Variants in C1D observed in about 807,000 individuals in gnomAD.
C1D encodes the protein C1D nuclear receptor corepressor.
In C1D, 10 loss-of-function variants were observed where a neutral mutation model predicts 17.5. The observed-to-expected ratio is 0.57, with a 90% CI of 0.35 to 0.97. The LOEUF (loss-of-function observed/expected upper bound fraction) is 0.97, where lower values mean the gene tolerates loss of function less well. Ranked by LOEUF, C1D falls within the 50% of genes least tolerant of loss-of-function variation. The pLI, the probability that C1D is intolerant of heterozygous loss-of-function variation, is 0.01. For synonymous variants in C1D, 49 were observed against 54.0 expected (o/e 0.91, Z 0.40); for missense variants, 136 against 160.1 (o/e 0.85, Z 0.81).
In C1D at chr2:68,043,069, C is replaced by T. The variant is rs1165654676; in HGVS notation, c.262-16G>A. The T allele has an allele frequency of 6.4e-7, 1 of 1,564,858 alleles. No individual in the cohort carries two copies. Among genetic ancestry groups the T allele is most frequent in the Non-Finnish European group, 8.7e-7 (1 of 1,153,176 alleles). ...TGATTCTTTCCTTAAAGATAAAAAA[C>T]AAAGGCAATAGATTTACTAAGCTAT... On this transcript the variant is annotated splice_polypyrimidine_tract_variant and intron_variant, in intron 4 of 4. Transcript: ENST00000410067.
At chr2:68,053,146 G>A (rs1196563455) in intron 1 of C1D, 2 of 1,550,580 alleles carry the variant, frequency 1.3e-6, no homozygotes, top group Non-Finnish European at 1.7e-6. Flanking sequence ...GGCTGCAGAG[G>A]TAGAGACAGA....
At position 68,056,594 on chromosome 2, in the gene C1D, C is replaced by T. The variant is rs180740537; in HGVS notation, c.-10+6364G>A. 1.5e-3 allele frequency among the ~76,000 whole-genome samples: 235 copies of T among 152,024 alleles called. 1 individual carries two copies. Among genetic ancestry groups the T allele is most frequent in the African/African-American group, 5.4e-3 (222 of 41,466 alleles). On this transcript the variant is annotated intron_variant, in intron 1 of 4. Transcript: ENST00000410067. ...TTAACAATAACAAAAAAAGTACACA[C>T]AACCCAAAAGAAAAATAAACAAGAA...
chr2:68,054,902 G>A (rs987962769), intron 1 of C1D, among the ~76,000 whole-genome samples: 1 of 151,548 alleles, frequency 6.6e-6, no homozygotes, highest in African/African-American at 2.4e-5. Context: ...GGAGTTCGAG[G>A]CTGCAGTAAG....
rs1280270825 is a variant in C1D, at chr2:68,041,669, AT to A, written c.*1219del. On this transcript the variant is annotated 3_prime_UTR_variant, in exon 5 of 5. Transcript: ENST00000410067. ...ACAAAATCCATTACATTTTAAGACCATTTCCAATATCTGCTATCATAAATCA... is the reference window on the plus strand; with the variant it reads ...ACAAAATCCATTACATTTTAAGACCATTCCAATATCTGCTATCATAAATCA... The A allele has an allele frequency of 6.6e-6, 1 of 152,062 alleles. No individual in the cohort carries two copies. Among genetic ancestry groups the A allele is most frequent in the Non-Finnish European group, 1.5e-5 (1 of 67,898 alleles). 9.4% of individuals were successfully genotyped at this position (152,062 alleles called of 1,614,324 possible). A position where few individuals can be genotyped will look rare whatever the true frequency, so the allele number is the denominator to read the frequency against.
chr2:68,047,873 T>C (rs1438576003), intron 1 of C1D, among the ~76,000 whole-genome samples: 1 of 152,230 alleles, frequency 6.6e-6, no homozygotes, highest in African/African-American at 2.4e-5. Context: ...CCCTAATGAT[T>C]GCTGAAGAAA....
chr2:68,056,125 T>C (rs1031924298), intron 1 of C1D, among the ~76,000 whole-genome samples: 20 of 152,190 alleles, frequency 1.3e-4, no homozygotes. Flanking sequence ...TTCAAGAGTA[T>C]CACAAAAATC....
chr2:68,056,886 C>T (rs956819636), intron 1 of C1D, among the ~76,000 whole-genome samples: 1 of 152,134 alleles, frequency 6.6e-6, no homozygotes, highest in Non-Finnish European at 1.5e-5. Flanking sequence ...TGTACACATG[C>T]TTTGACCTAG....
At chr2:68,056,501 T>C (rs1671441292) in intron 1 of C1D, among the ~76,000 whole-genome samples, 1 of 152,064 alleles carries the variant, frequency 6.6e-6, no homozygotes, top group Admixed American at 6.6e-5. Context: ...CCAAGACTAA[T>C]GTCAAATAAA....
At position 68,042,058 on chromosome 2, in the gene C1D, C is replaced by A. The variant is rs540929937; in HGVS notation, c.*831G>T. ...CTCAAAAACATGAAATAAAAAAAAT[C>A]TGAAAAAAAATGAGATGAAAAGAAC... On this transcript the variant is annotated 3_prime_UTR_variant, in exon 5 of 5. Coordinates refer to ENST00000410067, the MANE Select transcript of C1D (RefSeq NM_173177.3). The A allele has an allele frequency of 8.6e-5, 13 of 151,826 alleles. No homozygotes were observed. The highest frequency in any genetic ancestry group is 2.9e-4 in the African/African-American group (12 of 41,442). 9.4% of individuals were successfully genotyped at this position (151,826 alleles called of 1,614,324 possible). A position where few individuals can be genotyped will look rare whatever the true frequency, so the allele number is the denominator to read the frequency against.
At position 68,049,768 on chromosome 2, in the gene C1D, A is replaced by G. The variant is rs533241856; in HGVS notation, c.-9-2449T>C. Reference sequence around the variant, plus strand: ...TGTAAACGTATAAACATATTAGATTATATCAAATATTTACATCATCTAAAT... The same window carrying G: ...TGTAAACGTATAAACATATTAGATTGTATCAAATATTTACATCATCTAAAT... On this transcript the variant is annotated intron_variant, in intron 1 of 4. Coordinates refer to ENST00000410067, the MANE Select transcript of C1D (RefSeq NM_173177.3). Among the ~76,000 whole-genome samples, 63 of 152,370 alleles carry G rather than the reference A, an allele frequency of 4.1e-4. 1 individual carries two copies. In the South Asian group the frequency reaches 9.5e-3, roughly 23 times the overall value.
rs1363461968 is a variant in C1D, at chr2:68,043,062, T to TA, written c.262-10dup. 1.9e-6 allele frequency: 3 copies of TA among 1,574,222 alleles called. No individual in the cohort carries two copies. The highest frequency in any genetic ancestry group is 1.2e-5 in the South Asian group (1 of 85,264). On this transcript the variant is annotated splice_polypyrimidine_tract_variant and intron_variant, in intron 4 of 4. Coordinates refer to ENST00000410067, the MANE Select transcript of C1D (RefSeq NM_173177.3). Reference sequence around the variant, plus strand: ...TATACTCTGATTCTTTCCTTAAAGATAAAAAACAAAGGCAATAGATTTACT... The same window carrying TA: ...TATACTCTGATTCTTTCCTTAAAGATAAAAAAACAAAGGCAATAGATTTACT...
intron 1 of C1D, among the ~76,000 whole-genome samples, chr2:68,055,954 C>T (rs1469838318): frequency 6.6e-6 from 1 of 152,158 alleles, no homozygotes; most frequent in Non-Finnish European, 1.5e-5. Context: ...TAAGCAGCTC[C>T]ATTACATCTC....
intron 1 of C1D, among the ~76,000 whole-genome samples, chr2:68,049,250 C>T (rs999389428): frequency 6.7e-6 from 1 of 150,066 alleles, no homozygotes; most frequent in Non-Finnish European, 1.5e-5. Context: ...GAAACAAAGC[C>T]AAGAAACCTT....
At chr2:68,053,389 T>C in intron 1 of C1D, 1 of 608,518 alleles carries the variant, frequency 1.6e-6, no homozygotes, top group Non-Finnish European at 2.6e-6. Context: ...AATTCTCCAC[T>C]TCAGGGTGGC....
At chr2:68,060,038 A>T (rs964136095) in intron 1 of C1D, among the ~76,000 whole-genome samples, 8 of 152,150 alleles carry the variant, frequency 5.3e-5, no homozygotes, top group Non-Finnish European at 1.0e-4. Flanking sequence ...TCTTCCCACA[A>T]ACCTGCCCCT....
rs13401616 is a variant in C1D at position 68,046,063 on chromosome 2, T to C, written c.206-20A>G. ...AATAAACTACAAGAGAAAAATTTCA[T>C]GGAATAAAATGGTGAATGTATTAAT... On this transcript the variant is annotated intron_variant, in intron 3 of 4. Transcript: ENST00000410067. 4.7e-6 allele frequency: 7 copies of C among 1,495,602 alleles called. No individual in the cohort carries two copies. The highest frequency in any genetic ancestry group is 1.2e-5 in the South Asian group (1 of 82,222). 92.6% of individuals were successfully genotyped at this position (1,495,602 alleles called of 1,614,324 possible).
At chr2:68,043,712 C>G (rs1219918379) in intron 4 of C1D, among the ~76,000 whole-genome samples, 1 of 152,138 alleles carries the variant, frequency 6.6e-6, no homozygotes, top group African/African-American at 2.4e-5. Context: ...CTATCTTACG[C>G]TTCAAATGAA....
chr2:68,047,425 G>T (rs1033230033), intron 1 of C1D, 106 bp from the exon 2 acceptor site: 12 of 761,460 alleles, frequency 1.6e-5, no homozygotes, highest in Non-Finnish European at 2.4e-5. Context: ...AAGGCACTAA[G>T]AGTTAAAACC....
intron 1 of C1D, among the ~76,000 whole-genome samples, chr2:68,051,874 A>AT (rs1225232117): frequency 6.6e-6 from 1 of 151,930 alleles, no homozygotes; most frequent in Non-Finnish European, 1.5e-5. Context: ...ACATTCCTCA[A>AT]TATCAACTAA....
Sources: allele counts gnomAD v4.1 joint callset (sites outside exome capture counted in the v4.1 genomes callset), GRCh38; gene constraint gnomAD v4.1.1; transcripts MANE v1.5; gene names NCBI Gene and HGNC (gene_info 2026-07-23, HGNC 2026-07-21).